PIK3C3: variants seen among roughly 807,000 people sequenced by gnomAD.
PIK3C3 encodes the protein PI3-kinase type 3.
Under a neutral mutation model 126.1 loss-of-function variants are expected in PIK3C3, and 95 were observed. That is an observed-to-expected ratio of 0.75 (90% CI 0.64 to 0.89). The LOEUF is 0.89. Among genes scored for constraint, PIK3C3 ranks in the 40% least tolerant of loss-of-function variants. The pLI, the probability that PIK3C3 is intolerant of heterozygous loss-of-function variation, is 0.00. For synonymous variants in PIK3C3, 374 were observed against 360.0 expected (o/e 1.04, Z -0.44); for missense variants, 829 against 1,063.2 (o/e 0.78, Z 3.06).
At chr18:42,071,883 G>T (rs775196330) in intron 24 of PIK3C3, among the ~76,000 whole-genome samples, 2 of 151,996 alleles carry the variant, frequency 1.3e-5, no homozygotes, top group African/African-American at 2.4e-5. Context: ...TATATAATTT[G>T]TGCTCCAAAA....
intron 19 of PIK3C3, among the ~76,000 whole-genome samples, chr18:42,042,827 C>G (rs940100873): frequency 1.3e-5 from 2 of 152,128 alleles, no homozygotes; most frequent in Non-Finnish European, 2.9e-5. Context: ...TACATGTCTG[C>G]CAAATCGTAG....
intron 20 of PIK3C3, among the ~76,000 whole-genome samples, chr18:42,048,524 T>C (rs1448232703): frequency 2.0e-5 from 3 of 152,344 alleles, no homozygotes; most frequent in East Asian, 3.9e-4. Flanking sequence ...GGTTATCTAC[T>C]TAACTGGCAT....
intron 19 of PIK3C3, among the ~76,000 whole-genome samples, chr18:42,042,295 G>A (rs1984357319): frequency 6.6e-6 from 1 of 152,182 alleles, no homozygotes; most frequent in Admixed American, 6.5e-5. Flanking sequence ...GAGAGGGCTA[G>A]GATGCCTATG....
At chr18:42,030,778 A>G (rs1415379729) in intron 15 of PIK3C3, among the ~76,000 whole-genome samples, 1 of 152,166 alleles carries the variant, frequency 6.6e-6, no homozygotes, top group Non-Finnish European at 1.5e-5. Flanking sequence ...CCAGATGCCC[A>G]CCAGCAGAGG....
chr18:41,985,927 C>T (rs1384606108), intron 4 of PIK3C3, among the ~76,000 whole-genome samples: 1 of 152,118 alleles, frequency 6.6e-6, no homozygotes, highest in Non-Finnish European at 1.5e-5. Context: ...AAAGTTCCCA[C>T]CACATTCTCC....
intron 4 of PIK3C3, among the ~76,000 whole-genome samples, chr18:41,972,071 C>T (rs557797470): frequency 6.6e-6 from 1 of 152,014 alleles, no homozygotes; most frequent in African/African-American, 2.4e-5. Flanking sequence ...GGAATTAGTC[C>T]CAGTTGGACT....
intron 18 of PIK3C3, 36 bp downstream of exon 18, chr18:42,038,886 T>A: frequency 7.8e-7 from 1 of 1,285,180 alleles, no homozygotes; most frequent in African/African-American, 1.5e-5. Flanking sequence ...TTTACTTTAG[T>A]GTACATTGTG....
chr18:41,977,500 ATT>A (rs200563316), intron 4 of PIK3C3, among the ~76,000 whole-genome samples: 1 of 146,334 alleles, frequency 6.8e-6, no homozygotes, highest in Admixed American at 6.8e-5. Context: ...ATATATGTGT[ATT>A]TTTTTTTTTT....
chr18:42,054,134 A>ATCTATATATATATC lies in PIK3C3; in HGVS notation c.2264-3748_2264-3747insCTATATATATATCT, dbSNP rs1341393915. Among the ~76,000 whole-genome samples, 13 of 12,558 alleles carry ATCTATATATATATC rather than the reference A, an allele frequency of 1.0e-3. 2 individuals carry two copies. The East Asian group carries it at 0.012, about 11-fold the overall frequency. The allele number at this position is 12,558 out of a possible 152,430, so 8.2% of individuals were successfully genotyped here. On this transcript the variant is annotated intron_variant, in intron 21 of 24. Transcript: ENST00000262039. ...GAGGGACAGAACTAATGGTATATAT[A>ATCTATATATATATC]TATATATATATATATATATATATAT...
rs1234077911 is a variant in PIK3C3 at position 42,001,725 on chromosome 18, C to CT, written c.985-2630dup. 5.3e-5 allele frequency among the ~76,000 whole-genome samples: 8 copies of CT among 152,212 alleles called. 1 individual carries two copies. The highest frequency in any genetic ancestry group is 1.9e-4 in the African/African-American group (8 of 41,550). On this transcript the variant is annotated intron_variant, in intron 9 of 24. Coordinates refer to ENST00000262039, the MANE Select transcript of PIK3C3 (RefSeq NM_002647.4). ...CTAATAAGTCTATAAATCTGAGAAT[C>CT]TAAGTTTTAGATTGTTTCAGTTATT...
chr18:41,997,607 G>T (rs1274474135), intron 9 of PIK3C3, among the ~76,000 whole-genome samples: 1 of 152,032 alleles, frequency 6.6e-6, no homozygotes, highest in East Asian at 1.9e-4. Context: ...GAGCCAAGGG[G>T]TACCTCTTAA....
At chr18:42,023,397 G>A (rs948549900) in intron 13 of PIK3C3, among the ~76,000 whole-genome samples, 2 of 152,226 alleles carry the variant, frequency 1.3e-5, no homozygotes, top group African/African-American at 2.4e-5. Context: ...AGCTGCTTCT[G>A]TTCATAAGGA....
At chr18:42,069,467 T>C (rs918825738) in intron 24 of PIK3C3, among the ~76,000 whole-genome samples, 5 of 152,224 alleles carry the variant, frequency 3.3e-5, no homozygotes, top group African/African-American at 9.6e-5. Flanking sequence ...TTAAACCAGA[T>C]CTTTTCAGTG....
At chr18:42,073,677 T>TA (rs1985867312) in intron 24 of PIK3C3, among the ~76,000 whole-genome samples, 1 of 152,090 alleles carries the variant, frequency 6.6e-6, no homozygotes, top group African/African-American at 2.4e-5. Flanking sequence ...TTTTAAGAGA[T>TA]ACATGTCTCT....
intron 10 of PIK3C3, among the ~76,000 whole-genome samples, chr18:42,007,623 C>A (rs1035924245): frequency 6.6e-6 from 1 of 152,076 alleles, no homozygotes; most frequent in Non-Finnish European, 1.5e-5. Flanking sequence ...TATAAACTAG[C>A]CTACCCCATT....
chr18:42,008,387 G>A lies in PIK3C3; in HGVS notation c.1170+3846G>A, dbSNP rs540201487. Among the ~76,000 whole-genome samples the A allele has an allele frequency of 5.3e-5, 8 of 152,254 alleles. No individual in the cohort carries two copies. The East Asian group carries it at 1.5e-3, about 29-fold the overall frequency. Reference sequence around the variant, plus strand: ...ATGAGCAAGAGCAAGGGAACTGAAAGTACAGGAAGAATGGAAAGTATGTCA... The same window carrying A: ...ATGAGCAAGAGCAAGGGAACTGAAAATACAGGAAGAATGGAAAGTATGTCA... On this transcript the variant is annotated intron_variant, in intron 10 of 24. Transcript: ENST00000262039.
intron 18 of PIK3C3, among the ~76,000 whole-genome samples, chr18:42,040,160 T>C (rs915357413): frequency 6.6e-5 from 6 of 91,498 alleles, no homozygotes; most frequent in African/African-American, 1.9e-4. Context: ...CCTTTCCTTT[T>C]TTTTTTTTTT....
chr18:41,991,992 A>T (rs967225870), intron 6 of PIK3C3, among the ~76,000 whole-genome samples: 2 of 152,220 alleles, frequency 1.3e-5, no homozygotes, highest in African/African-American at 4.8e-5. Context: ...TTGCAAAAAC[A>T]TGCTAATGGA....
At chr18:42,065,133 A>G (rs1257831175) in intron 23 of PIK3C3, among the ~76,000 whole-genome samples, 1 of 152,234 alleles carries the variant, frequency 6.6e-6, no homozygotes, top group Non-Finnish European at 1.5e-5. Flanking sequence ...AGCTACAATG[A>G]ATCTTCACAA....
Sources: allele counts gnomAD v4.1 joint callset (sites outside exome capture counted in the v4.1 genomes callset), GRCh38; gene constraint gnomAD v4.1.1; transcripts MANE v1.5; gene names NCBI Gene and HGNC (gene_info 2026-07-23, HGNC 2026-07-21).